GABRB3: variants seen among roughly 807,000 people sequenced by gnomAD.
GABRB3 encodes gamma-aminobutyric acid receptor subunit beta-3.
Under a neutral mutation model 52.1 loss-of-function variants are expected in GABRB3, and 14 were observed. That is an observed-to-expected ratio of 0.27 (90% CI 0.18 to 0.42). The LOEUF (loss-of-function observed/expected upper bound fraction) is 0.42, where lower values mean the gene tolerates loss of function less well. Among genes scored for constraint, GABRB3 ranks in the 10% least tolerant of loss-of-function variants. The pLI is 1.00. For synonymous variants in GABRB3, 260 were observed against 232.3 expected (o/e 1.12, Z -1.08); for missense variants, 307 against 609.1 (o/e 0.50, Z 5.22).
At chr15:26,724,165 CTTCTAGAAATGTCACTTG>C (rs1330337006) in intron 3 of GABRB3, among the ~76,000 whole-genome samples, 1 of 152,178 alleles carries the variant, frequency 6.6e-6, no homozygotes, top group African/African-American at 2.4e-5. Flanking sequence ...TTCTGCCCAT[CTTCTAGAAATGTCACTTG>C]TTCTGAAACT....
At chr15:26,676,271 C>T (rs977447209) in intron 3 of GABRB3, among the ~76,000 whole-genome samples, 4 of 152,166 alleles carry the variant, frequency 2.6e-5, no homozygotes, top group South Asian at 2.1e-4. Context: ...CAAATATCTG[C>T]GGCTCCCCCC....
chr15:26,558,001 A>G (rs189163509), intron 8 of GABRB3: 1 of 152,192 alleles, frequency 6.6e-6, no homozygotes, highest in Non-Finnish European at 1.5e-5. Flanking sequence ...AAAAATTTAT[A>G]ACCTGTTTAA....
At chr15:26,582,821 C>T (rs1215892579) in intron 5 of GABRB3, among the ~76,000 whole-genome samples, 1 of 152,144 alleles carries the variant, frequency 6.6e-6, no homozygotes, top group Admixed American at 6.5e-5. Context: ...GTTTAGGTAG[C>T]AGGAGGGACA....
intron 3 of GABRB3, among the ~76,000 whole-genome samples, chr15:26,714,489 TTCAGTCTGGAAAGGC>T (rs1239778721): frequency 6.6e-6 from 1 of 152,106 alleles, no homozygotes; most frequent in Non-Finnish European, 1.5e-5. Context: ...TGAGCATTGG[TTCAGTCTGGAAAGGC>T]CGAACAACTC....
chr15:26,674,451 G>GGAAAGGAAAA (rs1888003388), intron 3 of GABRB3, among the ~76,000 whole-genome samples: 3 of 107,838 alleles, frequency 2.8e-5, no homozygotes, highest in East Asian at 4.8e-4. Flanking sequence ...GGAAAGGAAA[G>GGAAAGGAAAA]GAAAAGAAAA....
In GABRB3 at chr15:26,637,476, G is replaced by A. The variant is rs148596477; in HGVS notation, c.241-15942C>T. 3.9e-5 allele frequency among the ~76,000 whole-genome samples: 6 copies of A among 152,164 alleles called. No homozygotes were observed. The East Asian group carries it at 7.7e-4, about 20-fold the overall frequency. On this transcript the variant is annotated intron_variant, in intron 3 of 8. Transcript: ENST00000311550. ...GCAGGAAATTCTTTCTCTTTGGTTCGTAGATGTATCTGCAGCATCTAGGAT... is the reference window on the plus strand; with the variant it reads ...GCAGGAAATTCTTTCTCTTTGGTTCATAGATGTATCTGCAGCATCTAGGAT...
At chr15:26,751,086 A>G (rs1461553340) in intron 3 of GABRB3, among the ~76,000 whole-genome samples, 1 of 152,212 alleles carries the variant, frequency 6.6e-6, no homozygotes, top group Non-Finnish European at 1.5e-5. Flanking sequence ...ATAACAAAAG[A>G]TTGAAGAACT....
intron 3 of GABRB3, among the ~76,000 whole-genome samples, chr15:26,715,970 G>A (rs1306241642): frequency 6.6e-6 from 1 of 152,146 alleles, no homozygotes; most frequent in African/African-American, 2.4e-5. Context: ...ACAAGCCATG[G>A]TAAGAACACA....
intron 4 of GABRB3, among the ~76,000 whole-genome samples, chr15:26,583,704 G>C (rs1890870725): frequency 6.6e-6 from 1 of 151,150 alleles, no homozygotes; most frequent in East Asian, 1.9e-4. Flanking sequence ...GTAATATACA[G>C]CATGATGTTT....
chr15:26,704,733 A>G (rs920164756), intron 3 of GABRB3, among the ~76,000 whole-genome samples: 5 of 152,200 alleles, frequency 3.3e-5, no homozygotes, highest in African/African-American at 1.2e-4. Context: ...CAGCATGTAT[A>G]TAATTCTTAG....
chr15:26,736,292 G>C (rs1286975239), intron 3 of GABRB3, among the ~76,000 whole-genome samples: 2 of 152,138 alleles, frequency 1.3e-5, no homozygotes, highest in Admixed American at 6.5e-5. Context: ...ACTTACATAA[G>C]GCACTATCAT....
At chr15:26,692,368 G>A (rs1446222353) in intron 3 of GABRB3, among the ~76,000 whole-genome samples, 1 of 152,022 alleles carries the variant, frequency 6.6e-6, no homozygotes, top group Non-Finnish European at 1.5e-5. Flanking sequence ...TTTTCTTGGT[G>A]GCAGCAGAAA....
rs375218995 is a variant in GABRB3, at chr15:26,625,293, A to G, written c.241-3759T>C. 190 of 189,710 alleles carry G rather than the reference A, an allele frequency of 1.0e-3. 1 individual carries two copies. The highest frequency in any genetic ancestry group is 7.6e-3 in the South Asian group (42 of 5,494). 11.8% of individuals were successfully genotyped at this position (189,710 alleles called of 1,614,324 possible). A position where few individuals can be genotyped will look rare whatever the true frequency, so the allele number is the denominator to read the frequency against. ...GGGGTTCTTCAGGGCAGTAATCAGA[A>G]CCCCGGCACCACCAACTCCTCCTTC... On this transcript the variant is annotated intron_variant, in intron 3 of 8. Transcript: ENST00000311550.
intron 4 of GABRB3, among the ~76,000 whole-genome samples, chr15:26,605,445 A>C (rs1891753916): frequency 6.6e-6 from 1 of 152,198 alleles, no homozygotes; most frequent in Admixed American, 6.5e-5. Context: ...CAGTATATTG[A>C]AGAATTATCT....
intron 7 of GABRB3, among the ~76,000 whole-genome samples, chr15:26,565,860 C>T (rs921333037): frequency 2.0e-5 from 3 of 152,134 alleles, no homozygotes; most frequent in African/African-American, 7.2e-5. Flanking sequence ...CACTTTCATA[C>T]GCCTCTTCTA....
intron 3 of GABRB3, among the ~76,000 whole-genome samples, chr15:26,769,167 T>G (rs1288202087): frequency 6.6e-6 from 1 of 152,226 alleles, no homozygotes; most frequent in Non-Finnish European, 1.5e-5. Context: ...AAAAAACTCT[T>G]GAACAAATGC....
At chr15:26,624,194 TTCA>T in intron 3 of GABRB3, 1 of 985,420 alleles carries the variant, frequency 1.0e-6, no homozygotes, top group Non-Finnish European at 1.2e-6. Context: ...ATTCCGCCCC[TTCA>T]TCACCATTAC....
intron 3 of GABRB3, among the ~76,000 whole-genome samples, chr15:26,694,784 A>G (rs1888685920): frequency 6.6e-6 from 1 of 152,260 alleles, no homozygotes; most frequent in Non-Finnish European, 1.5e-5. Flanking sequence ...TATGACTAAT[A>G]TGCTTAGGGC....
rs1350842633 is a variant in GABRB3, at chr15:26,583,433, G to A, written c.462-19C>T. The A allele has an allele frequency of 1.3e-6, 2 of 1,598,532 alleles. No individual in the cohort carries two copies. Among genetic ancestry groups the A allele is most frequent in the Non-Finnish European group, 8.6e-7 (1 of 1,166,102 alleles). ...GGTGATTCTGAAATACACAGGGTGAGGGAAGATATTAAAGAAGGGCTGAGA... is the reference window on the plus strand; with the variant it reads ...GGTGATTCTGAAATACACAGGGTGAAGGAAGATATTAAAGAAGGGCTGAGA... On this transcript the variant is annotated intron_variant, in intron 4 of 8. Coordinates refer to ENST00000311550, the MANE Select transcript of GABRB3 (RefSeq NM_000814.6).
Sources: allele counts gnomAD v4.1 joint callset (sites outside exome capture counted in the v4.1 genomes callset), GRCh38; gene constraint gnomAD v4.1.1; transcripts MANE v1.5; gene names NCBI Gene and HGNC (gene_info 2026-07-23, HGNC 2026-07-21).